Variants in SYNPO2 observed in about 807,000 individuals in gnomAD.
The protein encoded by SYNPO2 is synaptopodin-2.
A neutral mutation model predicts 85.0 loss-of-function variants in SYNPO2; 56 were observed. The observed-to-expected ratio is 0.66, with a 90% CI of 0.53 to 0.82. The LOEUF (loss-of-function observed/expected upper bound fraction) is 0.82, where lower values mean the gene tolerates loss of function less well. Among genes scored for constraint, SYNPO2 ranks in the 40% least tolerant of loss-of-function variants. SYNPO2 has a pLI of 0.00. For synonymous variants in SYNPO2, 602 were observed against 591.1 expected, an observed-to-expected ratio of 1.02 and a Z score of -0.27; for missense variants, 1,575 against 1,534.2, an observed-to-expected ratio of 1.03 and a Z score of -0.44.
chr4:118,948,888 T>C (rs771769794), intron 1 of SYNPO2, among the ~76,000 whole-genome samples: 10 of 152,202 alleles, frequency 6.6e-5, no homozygotes, highest in African/African-American at 1.9e-4. Flanking sequence ...TTAACTTGCA[T>C]GGGCTTAAAG....
intron 1 of SYNPO2, among the ~76,000 whole-genome samples, chr4:118,939,167 C>T (rs1734215756): frequency 6.6e-6 from 1 of 152,186 alleles, no homozygotes; most frequent in South Asian, 2.1e-4. Flanking sequence ...TTTGTGTGTG[C>T]ACAGTTGGTT....
chr4:118,891,480 T>C (rs1732378631), intron 1 of SYNPO2, among the ~76,000 whole-genome samples: 1 of 152,212 alleles, frequency 6.6e-6, no homozygotes, highest in Non-Finnish European at 1.5e-5. Context: ...TCTTTTTCTT[T>C]TTTTAGTTCA....
intron 1 of SYNPO2, among the ~76,000 whole-genome samples, chr4:118,980,417 G>T (rs530557727): frequency 6.4e-4 from 98 of 152,162 alleles, no homozygotes; most frequent in Middle Eastern, 3.4e-3. Context: ...TCTACTGTTT[G>T]CTTGGCAAGG....
chr4:118,856,215 A>G (rs1013139401), intron 1 of SYNPO2, among the ~76,000 whole-genome samples: 7 of 152,250 alleles, frequency 4.6e-5, no homozygotes, highest in African/African-American at 1.2e-4. Context: ...TTCGGTGCTC[A>G]GAAAATGTCC....
chr4:118,935,153 C>T (rs1348280389), intron 1 of SYNPO2, among the ~76,000 whole-genome samples: 1 of 152,118 alleles, frequency 6.6e-6, no homozygotes, highest in Non-Finnish European at 1.5e-5. Context: ...CACACAATTC[C>T]ATGATACGGA....
intron 1 of SYNPO2, among the ~76,000 whole-genome samples, chr4:118,904,619 T>C (rs1010888596): frequency 4.3e-4 from 65 of 152,198 alleles, no homozygotes; most frequent in African/African-American, 1.5e-3. Flanking sequence ...AATGAGGATT[T>C]TGTTCCCTCC....
At chr4:118,896,687 T>C (rs1233727342) in intron 1 of SYNPO2, among the ~76,000 whole-genome samples, 3 of 152,216 alleles carry the variant, frequency 2.0e-5, no homozygotes, top group East Asian at 3.8e-4. Context: ...CTCAACAAAC[T>C]GTATCTTCAA....
chr4:119,023,399 C>T, intron 1 of SYNPO2, 31 bp from the exon 2 acceptor site: 1 of 1,578,474 alleles, frequency 6.3e-7, no homozygotes, highest in Non-Finnish European at 8.6e-7. Context: ...TTATATCATT[C>T]TACTATGTCT....
At chr4:119,034,407 T>C in intron 4 of SYNPO2, 1 of 982,444 alleles carries the variant, frequency 1.0e-6, no homozygotes, top group Non-Finnish European at 1.2e-6. Context: ...TTTCTTTCCA[T>C]TTCCTGTTGG....
intron 1 of SYNPO2, among the ~76,000 whole-genome samples, chr4:118,939,364 T>G (rs1178721034): frequency 6.6e-6 from 1 of 152,248 alleles, no homozygotes; most frequent in Non-Finnish European, 1.5e-5. Context: ...GACAGAGAAG[T>G]ACTTGCGTGC....
At chr4:118,949,365 G>C (rs1047049519) in intron 1 of SYNPO2, among the ~76,000 whole-genome samples, 4 of 152,152 alleles carry the variant, frequency 2.6e-5, no homozygotes. Context: ...TGCTGCTATG[G>C]CTTTTGGTAG....
chr4:118,880,623 C>T (rs963631058), intron 1 of SYNPO2, among the ~76,000 whole-genome samples: 4 of 151,920 alleles, frequency 2.6e-5, no homozygotes, highest in Non-Finnish European at 4.4e-5. Context: ...TGGCTGTTGC[C>T]TGTAATCCCA....
At chr4:119,010,282 A>G (rs554764613) in intron 1 of SYNPO2, among the ~76,000 whole-genome samples, 2 of 152,316 alleles carry the variant, frequency 1.3e-5, no homozygotes, top group East Asian at 3.9e-4. Context: ...GACTGGGAAT[A>G]AAAAGAGGTT....
chr4:119,058,867 G>T lies in SYNPO2; in HGVS notation c.*933G>T, dbSNP rs889624196. ...TTCTCAGAAAGAAATAAACACATGA[G>T]AATAAGATTATTACACATTTTGGAA... On this transcript the variant is annotated 3_prime_UTR_variant, in exon 5 of 5. Coordinates refer to ENST00000307142, the MANE Select transcript of SYNPO2 (RefSeq NM_133477.3). 6.6e-6 allele frequency: 1 copy of T among 152,108 alleles called. No individual in the cohort carries two copies. The highest frequency in any genetic ancestry group is 1.9e-4 in the East Asian group (1 of 5,192). 9.4% of individuals were successfully genotyped at this position (152,108 alleles called of 1,614,324 possible).
At chr4:118,913,133 T>C (rs1578543850) in intron 1 of SYNPO2, among the ~76,000 whole-genome samples, 2 of 152,214 alleles carry the variant, frequency 1.3e-5, no homozygotes, top group Admixed American at 1.3e-4. Flanking sequence ...TTATCCTTGC[T>C]CTTAAGAAAT....
At chr4:118,932,347 G>A (rs925707113) in intron 1 of SYNPO2, among the ~76,000 whole-genome samples, 6 of 152,260 alleles carry the variant, frequency 3.9e-5, no homozygotes, top group Admixed American at 6.5e-5. Context: ...TAAGTCCTCC[G>A]AAAAGCTTCC....
chr4:118,865,687 A>G (rs1731688159), intron 1 of SYNPO2, among the ~76,000 whole-genome samples: 1 of 152,214 alleles, frequency 6.6e-6, no homozygotes, highest in African/African-American at 2.4e-5. Context: ...CTCTTTCAAA[A>G]CTTTGGAAAC....
At chr4:118,995,866 C>CT (rs1553944821) in intron 1 of SYNPO2, among the ~76,000 whole-genome samples, 1 of 93,270 alleles carries the variant, frequency 1.1e-5, no homozygotes, top group Non-Finnish European at 2.4e-5. Flanking sequence ...TTTATCTTAT[C>CT]TATCTATCTA....
upstream of SYNPO2, among the ~76,000 whole-genome samples, chr4:118,888,344 G>A (rs372667496): frequency 6.6e-6 from 1 of 152,102 alleles, no homozygotes; most frequent in Admixed American, 6.5e-5. Context: ...TTTCAGAGCT[G>A]GAGGTTTATT....
Sources: allele counts gnomAD v4.1 joint callset (sites outside exome capture counted in the v4.1 genomes callset), GRCh38; gene constraint gnomAD v4.1.1; transcripts MANE v1.5; gene names NCBI Gene and HGNC (gene_info 2026-07-23, HGNC 2026-07-21).